Variants in ADGRF5 observed in about 807,000 individuals in gnomAD.
ADGRF5 encodes adhesion G protein-coupled receptor F5.
In ADGRF5, 75 loss-of-function variants were observed where a neutral mutation model predicts 132.3. The ratio of observed to expected loss-of-function variants is 0.57; its 90% CI spans 0.47 to 0.69. The LOEUF (loss-of-function observed/expected upper bound fraction) is 0.69. Among genes scored for constraint, ADGRF5 ranks in the 30% least tolerant of loss-of-function variants. ADGRF5 has a pLI of 0.00. For synonymous variants in ADGRF5, 629 were observed against 597.6 expected (o/e 1.05, Z -0.77); for missense variants, 1,516 against 1,630.6 (o/e 0.93, Z 1.21).
intron 1 of ADGRF5, among the ~76,000 whole-genome samples, chr6:46,910,113 T>C (rs1212294344): frequency 1.3e-5 from 2 of 152,178 alleles, no homozygotes; most frequent in Non-Finnish European, 2.9e-5. Context: ...ATCAGAAAAC[T>C]AGGCCTAGAA....
chr6:46,939,279 A>T (rs1777967299), intron 1 of ADGRF5, among the ~76,000 whole-genome samples: 1 of 152,082 alleles, frequency 6.6e-6, no homozygotes, highest in African/African-American at 2.4e-5. Context: ...TGGTTCGTTG[A>T]GTGGCCAGTT....
At chr6:46,868,417 C>T (rs1770688082) in intron 12 of ADGRF5, among the ~76,000 whole-genome samples, 2 of 152,204 alleles carry the variant, frequency 1.3e-5, no homozygotes, top group African/African-American at 4.8e-5. Context: ...GTTCTATCTA[C>T]CAATTTCTCT....
At chr6:46,863,480 GT>G (rs1770030048) in intron 14 of ADGRF5, among the ~76,000 whole-genome samples, 1 of 152,178 alleles carries the variant, frequency 6.6e-6, no homozygotes, top group Non-Finnish European at 1.5e-5. Flanking sequence ...TGATTCCAGT[GT>G]GCTGTCAAGG....
intron 1 of ADGRF5, among the ~76,000 whole-genome samples, chr6:46,907,145 G>A (rs1775469441): frequency 6.6e-6 from 1 of 152,164 alleles, no homozygotes; most frequent in East Asian, 1.9e-4. Context: ...TTCTATCATA[G>A]AGTATCTTTC....
intron 10 of ADGRF5, among the ~76,000 whole-genome samples, chr6:46,876,688 C>G (rs186472917): frequency 1.3e-5 from 2 of 152,154 alleles, no homozygotes; most frequent in African/African-American, 4.8e-5. Context: ...ACTGCAACCT[C>G]GGCCTCTCGG....
upstream of ADGRF5, among the ~76,000 whole-genome samples, chr6:46,924,535 T>G (rs1777154672): frequency 6.6e-6 from 1 of 152,220 alleles, no homozygotes; most frequent in Admixed American, 6.5e-5. Flanking sequence ...ATTTCCCAGG[T>G]GATCTCTACT....
intron 3 of ADGRF5, among the ~76,000 whole-genome samples, chr6:46,895,697 T>C (rs2150871349): frequency 6.6e-6 from 1 of 151,042 alleles, no homozygotes; most frequent in East Asian, 2.0e-4. Context: ...CGGAGAATAA[T>C]CAACTGGGGC....
chr6:46,881,922 TCACC>T, intron 7 of ADGRF5, 123 bp downstream of exon 7: 2 of 778,574 alleles, frequency 2.6e-6, no homozygotes, highest in African/African-American at 1.7e-5. Flanking sequence ...GGTACTTTTT[TCACC>T]TCTACCAAAC....
intron 20 of ADGRF5, among the ~76,000 whole-genome samples, chr6:46,855,472 T>G (rs1244295624): frequency 6.6e-6 from 1 of 152,222 alleles, no homozygotes; most frequent in Non-Finnish European, 1.5e-5. Context: ...CCTTACGTAA[T>G]GCATGCACAG....
intron 10 of ADGRF5, among the ~76,000 whole-genome samples, chr6:46,877,238 T>TCTTTCTTTCTTC (rs1771782202): frequency 3.7e-5 from 1 of 27,352 alleles, no homozygotes. Flanking sequence ...TTTCTTTCTT[T>TCTTTCTTTCTTC]CTTTCTTTCT....
chr6:46,893,786 T>C (rs1253708562), intron 3 of ADGRF5, among the ~76,000 whole-genome samples: 1 of 152,122 alleles, frequency 6.6e-6, no homozygotes, highest in Non-Finnish European at 1.5e-5. Context: ...CCAGGTGTCA[T>C]CAGTGTCACA....
intron 1 of ADGRF5, among the ~76,000 whole-genome samples, chr6:46,936,093 C>T (rs1278513924): frequency 6.6e-6 from 1 of 152,228 alleles, no homozygotes. Context: ...GTTTACACCA[C>T]CCTAGGCACA....
At chr6:46,873,507 C>T (rs768101211) in intron 10 of ADGRF5, among the ~76,000 whole-genome samples, 36 of 152,068 alleles carry the variant, frequency 2.4e-4, no homozygotes, top group Non-Finnish European at 3.2e-4. Flanking sequence ...AGATGTCTCC[C>T]GCCCCTCTTT....
At chr6:46,915,104 TC>T (rs1191603976) in intron 1 of ADGRF5, among the ~76,000 whole-genome samples, 1 of 151,830 alleles carries the variant, frequency 6.6e-6, no homozygotes, top group Non-Finnish European at 1.5e-5. Flanking sequence ...GATCCGCCCA[TC>T]TCGGCCTCCC....
At chr6:46,947,984 G>A (rs773266639) in intron 1 of ADGRF5, among the ~76,000 whole-genome samples, 2 of 152,122 alleles carry the variant, frequency 1.3e-5, no homozygotes, top group South Asian at 4.1e-4. Flanking sequence ...CTCAACACCG[G>A]ACAGGATGTG....
chr6:46,909,659 C>T (rs1775740927), intron 1 of ADGRF5, among the ~76,000 whole-genome samples: 1 of 152,102 alleles, frequency 6.6e-6, no homozygotes, highest in South Asian at 2.1e-4. Context: ...GTGGAACTGG[C>T]CTGTTCTTAC....
intron 1 of ADGRF5, among the ~76,000 whole-genome samples, chr6:46,951,469 G>T (rs1400360324): frequency 1.3e-5 from 2 of 152,200 alleles, no homozygotes; most frequent in African/African-American, 4.8e-5. Context: ...ATGATACTAT[G>T]CCCTTCTCCA....
chr6:46,941,421 G>GAAAAGAAAAGAAAAGAA (rs1561838739), intron 1 of ADGRF5, among the ~76,000 whole-genome samples: 9 of 39,122 alleles, frequency 2.3e-4, no homozygotes, highest in African/African-American at 7.2e-4. Flanking sequence ...GAAAAGAAAA[G>GAAAAGAAAAGAAAAGAA]AAAAGAAAAG....
intron 1 of ADGRF5, among the ~76,000 whole-genome samples, chr6:46,943,921 C>A (rs1362340255): frequency 2.0e-5 from 3 of 152,196 alleles, no homozygotes; most frequent in Non-Finnish European, 4.4e-5. Flanking sequence ...AATGTTCCTG[C>A]AAACATAAGC....
Sources: gnomAD v4.1 joint callset for allele counts (sites outside exome capture counted in the v4.1 genomes callset) on GRCh38, gnomAD v4.1.1 for gene constraint, MANE v1.5 for transcripts, NCBI Gene and HGNC (gene_info 2026-07-23, HGNC 2026-07-21) for gene names.